NBEA: variants seen among roughly 807,000 people sequenced by gnomAD.
The protein encoded by NBEA is neurobeachin, also known as lysosomal-trafficking regulator 2.
Under a neutral mutation model 343.4 loss-of-function variants are expected in NBEA, and 44 were observed. The ratio of observed to expected loss-of-function variants is 0.13; its 90% CI spans 0.10 to 0.16. The LOEUF (loss-of-function observed/expected upper bound fraction) is 0.16. Ranked by LOEUF, NBEA falls within the 10% of genes least tolerant of loss-of-function variation. NBEA has a pLI of 1.00. For synonymous variants in NBEA, 1,175 were observed against 1,238.7 expected (o/e 0.95, Z 1.08); for missense variants, 2,555 against 3,631.3 (o/e 0.70, Z 7.62).
intron 31 of NBEA, among the ~76,000 whole-genome samples, chr13:35,197,414 C>T (rs1376758151): frequency 6.6e-6 from 1 of 151,954 alleles, no homozygotes; most frequent in Non-Finnish European, 1.5e-5. Flanking sequence ...ATATCTATTC[C>T]ATATTGCTTT....
At chr13:35,158,913 T>C in intron 21 of NBEA, 103 bp from the exon 22 acceptor site, 1 of 1,074,450 alleles carries the variant, frequency 9.3e-7, no homozygotes, top group Non-Finnish European at 1.3e-6. Context: ...TCTTAAACTT[T>C]CTGGCATTAT....
intron 1 of NBEA, among the ~76,000 whole-genome samples, chr13:35,009,188 T>A (rs1566156758): frequency 6.6e-6 from 1 of 152,244 alleles, no homozygotes; most frequent in Admixed American, 6.5e-5. Flanking sequence ...GGAAAATATG[T>A]GCCAAGTACT....
At chr13:35,615,135 AAAAAAAAAC>A (rs1407874735) in intron 48 of NBEA, among the ~76,000 whole-genome samples, 4 of 149,350 alleles carry the variant, frequency 2.7e-5, no homozygotes, top group South Asian at 4.2e-4. Flanking sequence ...AATACAAAAA[AAAAAAAAAC>A]AAAAAAAAAT....
At chr13:35,177,768 T>G (rs1439920415) in intron 28 of NBEA, among the ~76,000 whole-genome samples, 1 of 151,792 alleles carries the variant, frequency 6.6e-6, no homozygotes, top group Non-Finnish European at 1.5e-5. Flanking sequence ...CCAGCCACTT[T>G]GAATTCTGTT....
intron 41 of NBEA, chr13:35,476,059 A>G: frequency 1.9e-6 from 3 of 1,614,188 alleles, no homozygotes; most frequent in Non-Finnish European, 2.5e-6. Context: ...AGTTTTGGCA[A>G]TGGCAGCTTT....
chr13:35,108,586 C>A (rs1226782071), intron 11 of NBEA, among the ~76,000 whole-genome samples: 1 of 151,796 alleles, frequency 6.6e-6, no homozygotes, highest in African/African-American at 2.4e-5. Flanking sequence ...GCTGGAAAAA[C>A]CCAGTTTTTT....
Position 34,967,382 on chromosome 13 carries a change from G to A in NBEA, c.294+24268G>A, listed in dbSNP as rs79253854. On this transcript the variant is annotated intron_variant, in intron 1 of 58. Coordinates refer to ENST00000379939, the MANE Select transcript of NBEA (RefSeq NM_001385012.1). ...TTTAAAAAAGCAAAACTGAGACCTC[G>A]TCAAAGTAGTAGATAAGAAGCACTG... Among the ~76,000 whole-genome samples, 1,350 of 150,000 alleles carry A rather than the reference G, an allele frequency of 9.0e-3. 19 individuals are homozygous for A. The highest frequency in any genetic ancestry group is 0.031 in the African/African-American group (1,274 of 40,748).
intron 1 of NBEA, among the ~76,000 whole-genome samples, chr13:34,981,204 G>A (rs117836516): frequency 2.0e-5 from 3 of 152,242 alleles, no homozygotes; most frequent in African/African-American, 4.8e-5. Context: ...CTGTGACTTA[G>A]TATAACATTT....
chr13:35,325,462 C>A (rs542902157), intron 36 of NBEA, among the ~76,000 whole-genome samples: 1 of 152,022 alleles, frequency 6.6e-6, no homozygotes, highest in South Asian at 2.1e-4. Context: ...TACTGAAAGT[C>A]TTCCAGAAAT....
rs116489059 is a variant in NBEA at position 34,993,305 on chromosome 13, C to T, written c.295-47628C>T. ...AGATTATATGCACCAATAGCATCCTCGTTTTCTCTTTTGTAGAATTTCTCA... is the reference window on the plus strand; with the variant it reads ...AGATTATATGCACCAATAGCATCCTTGTTTTCTCTTTTGTAGAATTTCTCA... On this transcript the variant is annotated intron_variant, in intron 1 of 58. Transcript: ENST00000379939. 6.4e-3 allele frequency among the ~76,000 whole-genome samples: 970 copies of T among 152,254 alleles called. 10 individuals are homozygous for T. Among genetic ancestry groups the T allele is most frequent in the African/African-American group, 0.022 (925 of 41,548 alleles).
chr13:35,623,523 C>T (rs973416958), intron 48 of NBEA, among the ~76,000 whole-genome samples: 1 of 151,946 alleles, frequency 6.6e-6, no homozygotes, highest in Non-Finnish European at 1.5e-5. Context: ...GTTCCTTTGC[C>T]ATTTAATTTT....
chr13:35,189,625 G>A (rs1245388578), intron 30 of NBEA, among the ~76,000 whole-genome samples: 3 of 151,808 alleles, frequency 2.0e-5, no homozygotes, highest in East Asian at 1.9e-4. Flanking sequence ...AGCTCTAGTC[G>A]ATAATTTATT....
intron 38 of NBEA, among the ~76,000 whole-genome samples, chr13:35,382,864 G>A (rs2042079508): frequency 6.6e-6 from 1 of 152,144 alleles, no homozygotes; most frequent in African/African-American, 2.4e-5. Context: ...ACTTTTATGG[G>A]CTGTATTTCA....
At chr13:35,244,079 C>A (rs2030790275) in intron 34 of NBEA, among the ~76,000 whole-genome samples, 1 of 151,622 alleles carries the variant, frequency 6.6e-6, no homozygotes. Flanking sequence ...TAAAATCTTA[C>A]AAAGTATCTT....
intron 1 of NBEA, among the ~76,000 whole-genome samples, chr13:34,988,169 C>T (rs576050957): frequency 1.2e-4 from 18 of 151,002 alleles, no homozygotes; most frequent in Admixed American, 5.9e-4. Context: ...CTGGAAGGTT[C>T]GTCCCAGAGG....
chr13:35,205,587 T>C (rs1370552812), intron 31 of NBEA, among the ~76,000 whole-genome samples: 1 of 152,152 alleles, frequency 6.6e-6, no homozygotes, highest in African/African-American at 2.4e-5. Context: ...ATGATTCTGT[T>C]TGTCATTATC....
intron 53 of NBEA, 103 bp downstream of exon 53, chr13:35,651,979 T>A: frequency 1.4e-6 from 1 of 706,062 alleles, no homozygotes; most frequent in Non-Finnish European, 2.4e-6. Flanking sequence ...TACCACAAGA[T>A]TAAAATGCTA....
At chr13:35,355,017 T>C (rs891108718) in intron 38 of NBEA, among the ~76,000 whole-genome samples, 1 of 152,136 alleles carries the variant, frequency 6.6e-6, no homozygotes, top group Non-Finnish European at 1.5e-5. Flanking sequence ...ATTCTTACTG[T>C]TTCTGAGGCC....
In NBEA at chr13:35,159,245, G is replaced by A. The variant is rs764646547; in HGVS notation, c.3074G>A (p.Arg1025Gln). Residue 1025 changes from arginine (R) to glutamine (Q), a missense_variant, in exon 22 of 59, where the codon CGA (arginine) becomes CAA (glutamine). Arg to Gln is a conservative substitution (Grantham distance 43). This residue lies in a region of NBEA where 367 missense variants were observed against 377.5 expected (regional missense o/e 0.97). Coordinates refer to ENST00000379939, the MANE Select transcript of NBEA (RefSeq NM_001385012.1). ...GATTACCCTGTCAGCACAGATACTC[G>A]AGACTTACTCATGTCAACAAAAGTG... ...ETDYPVSTDT[R>Q]DLLMSTKVSD... The A allele has an allele frequency of 1.2e-6, 2 of 1,613,422 alleles. No individual in the cohort carries two copies. Among genetic ancestry groups the A allele is most frequent in the African/African-American group, 1.3e-5 (1 of 74,880 alleles).
Sources: allele counts gnomAD v4.1 joint callset (sites outside exome capture counted in the v4.1 genomes callset), GRCh38; gene constraint gnomAD v4.1.1; regional missense constraint gnomAD v4.1.1; transcripts MANE v1.5; gene names NCBI Gene and HGNC (gene_info 2026-07-23, HGNC 2026-07-21).